LRCH1: variants seen among roughly 807,000 people sequenced by gnomAD.
LRCH1 encodes the protein leucine rich repeats and calponin homology domain containing 1.
LRCH1 carries 23 observed loss-of-function variants against 94.9 expected under a neutral mutation model. The observed-to-expected ratio is 0.24, with a 90% CI of 0.17 to 0.34. The LOEUF is 0.34. Ranked by LOEUF, LRCH1 falls within the 10% of genes least tolerant of loss-of-function variation. The pLI, the probability that LRCH1 is intolerant of heterozygous loss-of-function variation, is 1.00. For synonymous variants in LRCH1, 364 were observed against 354.9 expected (o/e 1.03, Z -0.29); for missense variants, 790 against 945.9 (o/e 0.84, Z 2.16).
intron 1 of LRCH1, among the ~76,000 whole-genome samples, chr13:46,594,534 G>A (rs1322109772): frequency 3.9e-5 from 6 of 152,194 alleles, no homozygotes; most frequent in Non-Finnish European, 7.3e-5. Context: ...CACCAAATCA[G>A]GCCACCTCCT....
intron 2 of LRCH1, among the ~76,000 whole-genome samples, chr13:46,665,658 A>C (rs895748069): frequency 1.3e-5 from 2 of 152,118 alleles, no homozygotes; most frequent in Admixed American, 1.3e-4. Flanking sequence ...GACAGTGACA[A>C]AGAGACAGGT....
At position 46,564,107 on chromosome 13, in the gene LRCH1, G is replaced by A. The variant is rs552898017; in HGVS notation, c.307+10404G>A. Among the ~76,000 whole-genome samples, 65 of 152,334 alleles carry A rather than the reference G, an allele frequency of 4.3e-4. 1 individual carries two copies. Among genetic ancestry groups the A allele is most frequent in the African/African-American group, 1.5e-3 (62 of 41,582 alleles). ...CGGTAGTTACAGATGAGACATGTTA[G>A]TGTAGGATTTGACTGCATGTGGTTT... On this transcript the variant is annotated intron_variant, in intron 1 of 19. Transcript: ENST00000389797.
At chr13:46,613,874 C>T (rs879686486) in intron 1 of LRCH1, among the ~76,000 whole-genome samples, 8 of 152,152 alleles carry the variant, frequency 5.3e-5, no homozygotes, top group East Asian at 1.9e-4. Context: ...ACCTTCTTTC[C>T]GACATTAAAA....
intron 2 of LRCH1, among the ~76,000 whole-genome samples, chr13:46,654,858 T>G (rs2051351362): frequency 6.6e-6 from 1 of 152,252 alleles, no homozygotes; most frequent in Non-Finnish European, 1.5e-5. Context: ...AAGAAAGACT[T>G]GTTAGATCAA....
chr13:46,654,429 A>C (rs2051345429), intron 2 of LRCH1, among the ~76,000 whole-genome samples: 1 of 152,216 alleles, frequency 6.6e-6, no homozygotes, highest in South Asian at 2.1e-4. Context: ...AGTGGACTTC[A>C]TTGACTTTTG....
intron 1 of LRCH1, among the ~76,000 whole-genome samples, chr13:46,617,724 C>T (rs1171990033): frequency 6.6e-6 from 1 of 152,198 alleles, no homozygotes. Context: ...GACATATTTA[C>T]TCAGTCTTCT....
intron 1 of LRCH1, among the ~76,000 whole-genome samples, chr13:46,636,227 C>A (rs981153912): frequency 6.6e-6 from 1 of 151,682 alleles, no homozygotes; most frequent in Non-Finnish European, 1.5e-5. Context: ...GTGCCACATG[C>A]CTGGCTAATA....
chr13:46,562,404 G>A (rs900730832), intron 1 of LRCH1, among the ~76,000 whole-genome samples: 2 of 152,178 alleles, frequency 1.3e-5, no homozygotes, highest in Non-Finnish European at 2.9e-5. Context: ...GCTTACAGGT[G>A]GAGGTTGTCT....
intron 19 of LRCH1, 144 bp from the exon 20 acceptor site, chr13:46,741,497 GA>G: frequency 1.1e-6 from 1 of 869,958 alleles, no homozygotes; most frequent in Non-Finnish European, 1.8e-6. Flanking sequence ...CTTTGATGAT[GA>G]AAGGGTCTTA....
In LRCH1 at chr13:46,585,580, C is replaced by T. The variant is rs936193774; in HGVS notation, c.307+31877C>T. Among the ~76,000 whole-genome samples the T allele has an allele frequency of 6.9e-5, 10 of 144,942 alleles. No homozygotes were observed. In the South Asian group the frequency reaches 8.7e-4, roughly 13 times the overall value. The stretch of plus-strand genomic sequence containing the variant: ...AAAAAAAAAAAAAAAAACAAAAAAA[C>T]GCATTTCTATAACCTGCACCGATTT... On this transcript the variant is annotated intron_variant, in intron 1 of 19. Coordinates refer to ENST00000389797, the MANE Select transcript of LRCH1 (RefSeq NM_001164211.2).
chr13:46,571,025 C>T (rs889801578), intron 1 of LRCH1, among the ~76,000 whole-genome samples: 4 of 152,244 alleles, frequency 2.6e-5, no homozygotes, highest in Non-Finnish European at 5.9e-5. Context: ...CAGTTGCCCT[C>T]GGCCTCTCCA....
Position 46,668,777 on chromosome 13 carries a change from T to G in LRCH1, c.453-253T>G, listed in dbSNP as rs4941565. On this transcript the variant is annotated intron_variant, in intron 2 of 19. Transcript: ENST00000389797. ...CTTTGATGGCATTCCTTGTGTTGAA[T>G]AAAGTTGTCTCTTTGAGAACTGCCC... 0.63 allele frequency among the ~76,000 whole-genome samples: 93,222 copies of G among 147,122 alleles called. 30,262 individuals are homozygous for G. Among genetic ancestry groups the G allele is most frequent in the Middle Eastern group, 0.73 (212 of 292 alleles).
intron 1 of LRCH1, among the ~76,000 whole-genome samples, chr13:46,636,332 A>G (rs991408253): frequency 6.6e-6 from 1 of 152,124 alleles, no homozygotes; most frequent in Non-Finnish European, 1.5e-5. Flanking sequence ...TTGGTCTCCC[A>G]AAGTGCCAGG....
chr13:46,615,782 C>T (rs2050801040), intron 1 of LRCH1, among the ~76,000 whole-genome samples: 1 of 152,110 alleles, frequency 6.6e-6, no homozygotes, highest in Non-Finnish European at 1.5e-5. Flanking sequence ...CAGACGTGCC[C>T]AGCTATGATA....
intron 1 of LRCH1, among the ~76,000 whole-genome samples, chr13:46,636,926 T>C (rs1299390778): frequency 6.6e-6 from 1 of 152,186 alleles, no homozygotes; most frequent in East Asian, 1.9e-4. Context: ...AGAGTTGATG[T>C]CTTTCCATGC....
At chr13:46,564,475 C>T (rs2050161123) in intron 1 of LRCH1, among the ~76,000 whole-genome samples, 2 of 152,326 alleles carry the variant, frequency 1.3e-5, no homozygotes, top group Middle Eastern at 3.4e-3. Context: ...AAATAATTCT[C>T]TCCCCTCTGG....
intron 2 of LRCH1, among the ~76,000 whole-genome samples, chr13:46,666,406 T>C (rs1287659515): frequency 5.3e-5 from 8 of 152,260 alleles, no homozygotes; most frequent in Non-Finnish European, 8.8e-5. Context: ...CAAAGTAGTA[T>C]GATACATGAC....
At chr13:46,638,720 C>T (rs1160685473) in intron 1 of LRCH1, among the ~76,000 whole-genome samples, 1 of 152,134 alleles carries the variant, frequency 6.6e-6, no homozygotes. Context: ...CTTACATGGC[C>T]TCATGCCTAA....
At position 46,744,327 on chromosome 13, in the gene LRCH1, A is replaced by C. The variant is rs1429038432; in HGVS notation, c.*2479A>C. The C allele has an allele frequency of 4.1e-6, 4 of 985,310 alleles. No individual in the cohort carries two copies. The highest frequency in any genetic ancestry group is 4.8e-6 in the Non-Finnish European group (4 of 829,934). 61.0% of individuals were successfully genotyped at this position (985,310 alleles called of 1,614,324 possible). A position where few individuals can be genotyped will look rare whatever the true frequency, so the allele number is the denominator to read the frequency against. Reference sequence around the variant, plus strand: ...CAGTACTCCCTTCCAATGTTAGATAAAAGGAGCCAAGTATCTATTTACATT... The same window carrying C: ...CAGTACTCCCTTCCAATGTTAGATACAAGGAGCCAAGTATCTATTTACATT... On this transcript the variant is annotated 3_prime_UTR_variant, in exon 20 of 20. Coordinates refer to ENST00000389797, the MANE Select transcript of LRCH1 (RefSeq NM_001164211.2).
Sources: gnomAD v4.1 joint callset for allele counts (sites outside exome capture counted in the v4.1 genomes callset) on GRCh38, gnomAD v4.1.1 for gene constraint, MANE v1.5 for transcripts, NCBI Gene and HGNC (gene_info 2026-07-23, HGNC 2026-07-21) for gene names.